The following DOCK11 variants were observed in gnomAD, a reference collection of about 807,000 sequenced individuals.
DOCK11 encodes dedicator of cytokinesis 11.
A neutral mutation model predicts 169.1 loss-of-function variants in DOCK11; 70 were observed. That is an observed-to-expected ratio of 0.41 (90% CI 0.34 to 0.51). DOCK11 has a LOEUF of 0.51. Ranked by LOEUF, DOCK11 falls within the 20% of genes least tolerant of loss-of-function variation. DOCK11 has a pLI of 0.10. For missense variants in DOCK11, 1,166 were observed against 1,538.8 expected (o/e 0.76, Z 4.05); for synonymous variants, 529 against 541.3 (o/e 0.98, Z 0.32).
intron 1 of DOCK11, among the ~76,000 whole-genome samples, chrX:118,510,317 A>AATTC (rs2057642291): frequency 8.9e-6 from 1 of 112,553 alleles, no homozygotes; most frequent in East Asian, 2.8e-4. Context: ...CAAATGAGGA[A>AATTC]GCACAATCCC....
intron 44 of DOCK11, among the ~76,000 whole-genome samples, chrX:118,660,557 C>T (rs962985340): frequency 2.7e-5 from 3 of 109,287 alleles, no homozygotes; most frequent in East Asian, 2.9e-4. Context: ...CTCCACCTCC[C>T]GGGTTCACGC....
intron 1 of DOCK11, among the ~76,000 whole-genome samples, chrX:118,527,086 C>T (rs769559806): frequency 2.7e-5 from 3 of 111,973 alleles, no homozygotes; most frequent in African/African-American, 9.7e-5. Flanking sequence ...GTTTATGATT[C>T]GTGTGAGATA....
Position 118,544,645 on chromosome X carries a change from C to CTTTTTTT in DOCK11, c.393-652_393-646dup, listed in dbSNP as rs1157804079. ...TGCAAGAGCCAGAATTACACTGTTG[C>CTTTTTTT]TTTTTTTTTTTTTTTTTTTTTTTTT... On this transcript the variant is annotated intron_variant, in intron 4 of 52. Coordinates refer to ENST00000276202, the MANE Select transcript of DOCK11 (RefSeq NM_144658.4). Among the ~76,000 whole-genome samples, 87 of 23,373 alleles carry CTTTTTTT rather than the reference C, an allele frequency of 3.7e-3. 17 individuals are homozygous for CTTTTTTT. Among genetic ancestry groups the CTTTTTTT allele is most frequent in the Non-Finnish European group, 5.5e-3 (77 of 13,906 alleles). The allele number at this position is 23,373 out of a possible 115,157, so 20.3% of individuals were successfully genotyped here.
At position 118,638,101 on chromosome X, in the gene DOCK11, A is replaced by C; in HGVS notation, c.3975A>C (p.Arg1325Ser). The C allele has an allele frequency of 1.7e-6, 2 of 1,207,126 alleles. No individual in the cohort carries two copies. Among genetic ancestry groups the C allele is most frequent in the Non-Finnish European group, 2.2e-6 (2 of 892,374 alleles). The change falls in exon 37 of 53, where the codon AGA becomes AGC. Residue 1325 changes from arginine to serine, a missense_variant. Transcript: ENST00000276202. ...ILLEVCLFHF[R>S]YMGKRNIARV... is the part of the protein sequence containing the mutation. ...CTAGAGTATGCTTGTTTCACTTTAG[A>C]TATATGGGGAAAAGAAACATAGCAA...
chrX:118,647,137 ATATGTG>A (rs750744605), intron 40 of DOCK11, among the ~76,000 whole-genome samples: 1,007 of 68,798 alleles, frequency 0.015, 7 homozygotes, highest in Non-Finnish European at 0.022. Flanking sequence ...TGTGAAGAGG[ATATGTG>A]TGTGTGTGTG....
chrX:118,546,800 T>C (rs1273708883), intron 6 of DOCK11, among the ~76,000 whole-genome samples: 1 of 110,521 alleles, frequency 9.0e-6, no homozygotes, highest in South Asian at 3.8e-4. Context: ...GACCAGCCTG[T>C]GCAACATGAT....
At chrX:118,511,255 A>G (rs2057649606) in intron 1 of DOCK11, among the ~76,000 whole-genome samples, 1 of 112,432 alleles carries the variant, frequency 8.9e-6, no homozygotes, top group South Asian at 3.6e-4. Context: ...GAAAATCTGT[A>G]GAGACAAAAT....
intron 31 of DOCK11, 27 bp from the exon 32 acceptor site, chrX:118,624,512 A>G (rs1247452355): frequency 3.0e-6 from 3 of 986,575 alleles, no homozygotes; most frequent in Non-Finnish European, 4.3e-6. Context: ...TTATATACGT[A>G]TTAAGCTTTC....
intron 22 of DOCK11, among the ~76,000 whole-genome samples, chrX:118,598,409 A>G (rs1432879892): frequency 9.1e-6 from 1 of 109,446 alleles, no homozygotes; most frequent in Non-Finnish European, 1.9e-5. Context: ...AAAAAAAAAA[A>G]CAGTCATTCT....
intron 1 of DOCK11, among the ~76,000 whole-genome samples, chrX:118,510,118 A>G (rs1163964741): frequency 9.0e-6 from 1 of 111,537 alleles, no homozygotes; most frequent in Non-Finnish European, 1.9e-5. Flanking sequence ...ACATATTCAC[A>G]GGTTCCACGG....
intron 46 of DOCK11, among the ~76,000 whole-genome samples, chrX:118,674,747 G>A (rs2016567886): frequency 1.8e-5 from 2 of 112,206 alleles, no homozygotes; most frequent in Non-Finnish European, 3.8e-5. Flanking sequence ...CCACGAAGCT[G>A]TTTTCCACAG....
intron 1 of DOCK11, among the ~76,000 whole-genome samples, chrX:118,498,501 C>G (rs929601): frequency 0.15 from 16,259 of 111,794 alleles, 937 homozygotes; most frequent in African/African-American, 0.22. Flanking sequence ...GAGCTGTTAA[C>G]CAAAGTTAGT....
chrX:118,579,629 A>T (rs1440746480), intron 13 of DOCK11, among the ~76,000 whole-genome samples: 8 of 111,810 alleles, frequency 7.2e-5, no homozygotes, highest in Non-Finnish European at 1.5e-4. Context: ...TCTCCTTGTC[A>T]TCTCCCTGTG....
chrX:118,524,173 C>T (rs2011322305), intron 1 of DOCK11, among the ~76,000 whole-genome samples: 3 of 111,505 alleles, frequency 2.7e-5, no homozygotes, highest in South Asian at 3.8e-4. Flanking sequence ...AGTGCCCCAC[C>T]GCATTAGCTG....
chrX:118,685,504 T>G, intron 52 of DOCK11, 184 bp from the exon 53 acceptor site: 1 of 444,451 alleles, frequency 2.2e-6, no homozygotes, highest in Non-Finnish European at 3.5e-6. Context: ...TTTGATATGC[T>G]GCCTTTGTAA....
chrX:118,661,906 T>C (rs1253946515), intron 44 of DOCK11, among the ~76,000 whole-genome samples: 1 of 111,982 alleles, frequency 8.9e-6, no homozygotes, highest in Non-Finnish European at 1.9e-5. Flanking sequence ...CATTATTTTA[T>C]TCTACCTTGA....
chrX:118,592,078 T>C (rs1299420025), intron 19 of DOCK11, among the ~76,000 whole-genome samples: 3 of 107,754 alleles, frequency 2.8e-5, no homozygotes, highest in African/African-American at 1.0e-4. Context: ...TTGTGAATAG[T>C]GCCGCAATAA....
rs762027555 is a variant in DOCK11 at position 118,609,265 on chromosome X, CT to C, written c.2878-4del. ...TTGGTAACCGTTAAAGATTCTCTTT[CT>C]TTTTTTTTCAGTACTCATGGTTTTT... is the stretch of plus-strand genomic sequence containing the variant. On this transcript the variant is annotated splice_polypyrimidine_tract_variant and intron_variant, in intron 26 of 52. Coordinates refer to ENST00000276202, the MANE Select transcript of DOCK11 (RefSeq NM_144658.4). 2.4e-5 allele frequency: 28 copies of C among 1,150,758 alleles called. No homozygotes were observed. The highest frequency in any genetic ancestry group is 5.4e-5 in the African/African-American group (3 of 55,445). 94.8% of individuals were successfully genotyped at this position (1,150,758 alleles called of 1,213,427 possible). A position where few individuals can be genotyped will look rare whatever the true frequency, so the allele number is the denominator to read the frequency against.
intron 1 of DOCK11, among the ~76,000 whole-genome samples, chrX:118,514,397 C>A (rs2057669470): frequency 9.0e-6 from 1 of 111,552 alleles, no homozygotes; most frequent in Non-Finnish European, 1.9e-5. Flanking sequence ...TCAGAGTTGA[C>A]CACCTTGATG....
Sources: gnomAD v4.1 joint callset for allele counts (sites outside exome capture counted in the v4.1 genomes callset) on GRCh38, gnomAD v4.1.1 for gene constraint, MANE v1.5 for transcripts, NCBI Gene and HGNC (gene_info 2026-07-23, HGNC 2026-07-21) for gene names.